CRADD: variants seen among roughly 807,000 people sequenced by gnomAD.
CRADD encodes the protein death domain-containing protein CRADD.
Under a neutral mutation model 15.5 loss-of-function variants are expected in CRADD, and 9 were observed. The ratio of observed to expected loss-of-function variants is 0.58; its 90% confidence interval spans 0.35 to 1.01. CRADD has a LOEUF of 1.01. Among genes scored for constraint, CRADD ranks in the 50% least tolerant of loss-of-function variants. The pLI, the probability that CRADD is intolerant of heterozygous loss-of-function variation, is 0.02. For synonymous variants in CRADD, 118 were observed against 107.6 expected, an observed-to-expected ratio of 1.10 and a Z score of -0.60; for missense variants, 227 against 250.3, an observed-to-expected ratio of 0.91 and a Z score of 0.63.
Position 93,762,272 on chromosome 12 carries a change from T to C in CRADD, c.298+83200T>C, listed in dbSNP as rs545288688. Among the ~76,000 whole-genome samples, 7 of 152,340 alleles carry C rather than the reference T, an allele frequency of 4.6e-5. No individual in the cohort carries two copies. The East Asian group carries it at 1.2e-3, about 25-fold the overall frequency. On this transcript the variant is annotated intron_variant, in intron 2 of 2. Transcript: ENST00000332896. ...GGCAAGTGATTTGTCAATAAGAATT[T>C]ATTGTCTTCATTTCTGGGATGAGGC...
At chr12:93,752,484 A>G (rs768151149) in intron 2 of CRADD, among the ~76,000 whole-genome samples, 12 of 152,328 alleles carry the variant, frequency 7.9e-5, no homozygotes, top group South Asian at 6.2e-4. Flanking sequence ...TGTTTAAGCT[A>G]TGAGAGCTCA....
intron 2 of CRADD, among the ~76,000 whole-genome samples, chr12:93,841,526 G>A (rs1016673533): frequency 6.6e-6 from 1 of 152,168 alleles, no homozygotes; most frequent in African/African-American, 2.4e-5. Flanking sequence ...TCAAGGGAGG[G>A]CTTTGTTTGC....
At position 93,824,678 on chromosome 12, in the gene CRADD, C is replaced by G. The variant is rs578188319; in HGVS notation, c.299-25292C>G. On this transcript the variant is annotated intron_variant, in intron 2 of 2. Coordinates refer to ENST00000332896, the MANE Select transcript of CRADD (RefSeq NM_003805.5). The surrounding 1 kb of genome is among the most constrained non-coding windows in gnomAD (Gnocchi z 4.3). ...CTGAAGCTGAAACCTAGCCTTCTGC[C>G]GAGTGGTATTCCTGAAGCCAGTCAC... 6.6e-6 allele frequency among the ~76,000 whole-genome samples: 1 copy of G among 152,094 alleles called. No homozygotes were observed. The highest frequency in any genetic ancestry group is 6.5e-5 in the Admixed American group (1 of 15,272).
rs1957955469 is a variant in CRADD, at chr12:93,834,733, C to G, written c.299-15237C>G. Among the ~76,000 whole-genome samples the G allele has an allele frequency of 2.0e-5, 3 of 152,238 alleles. No homozygotes were observed. The South Asian group carries it at 6.2e-4, about 32-fold the overall frequency. On this transcript the variant is annotated intron_variant, in intron 2 of 2. Transcript: ENST00000332896. ...AAGCTGCCCACCTCAGGTGATCCACCTGCCTCGGCCTCCCAAAGTGCTGGG... is the reference window on the plus strand; with the variant it reads ...AAGCTGCCCACCTCAGGTGATCCACGTGCCTCGGCCTCCCAAAGTGCTGGG...
chr12:93,805,515 G>T lies in CRADD; in HGVS notation c.299-44455G>T, dbSNP rs191266128. On this transcript the variant is annotated intron_variant, in intron 2 of 2. Coordinates refer to ENST00000332896, the MANE Select transcript of CRADD (RefSeq NM_003805.5). ...GTCCTCCGAGCCTGTTTCCTCAACT[G>T]CCCTTTTCTCCTACCCAGTACATCG... Among the ~76,000 whole-genome samples the T allele has an allele frequency of 3.5e-3, 523 of 151,370 alleles. 21 individuals carry two copies. Among genetic ancestry groups the T allele is most frequent in the Admixed American group, 0.031 (466 of 15,118 alleles).
chr12:93,761,853 C>T (rs1222059099), intron 2 of CRADD, among the ~76,000 whole-genome samples: 1 of 151,986 alleles, frequency 6.6e-6, no homozygotes, highest in Non-Finnish European at 1.5e-5. Flanking sequence ...TGCTTTGAGC[C>T]CTGATGGATT....
chr12:93,775,500 A>T (rs1318466978), intron 2 of CRADD, among the ~76,000 whole-genome samples: 1 of 152,220 alleles, frequency 6.6e-6, no homozygotes, highest in Non-Finnish European at 1.5e-5. Flanking sequence ...AGGAGTTGGC[A>T]TCTCAAGTAT....
chr12:93,871,778 T>C (rs935821959), intron 2 of CRADD, among the ~76,000 whole-genome samples: 1 of 152,234 alleles, frequency 6.6e-6, no homozygotes, highest in African/African-American at 2.4e-5. Context: ...CTCCATTATG[T>C]ATATGTACCA....
At chr12:93,763,598 C>T (rs1956993874) in intron 2 of CRADD, among the ~76,000 whole-genome samples, 1 of 152,014 alleles carries the variant, frequency 6.6e-6, no homozygotes, top group African/African-American at 2.4e-5. Flanking sequence ...AGAAATTCCT[C>T]TTCATTTTTT....
At chr12:93,719,529 C>T (rs1168947351) in intron 2 of CRADD, among the ~76,000 whole-genome samples, 1 of 152,228 alleles carries the variant, frequency 6.6e-6, no homozygotes, top group South Asian at 2.1e-4. Flanking sequence ...GTTACAATTT[C>T]TTCCTTAAAT....
intron 2 of CRADD, among the ~76,000 whole-genome samples, chr12:93,872,190 G>C (rs1958426434): frequency 6.6e-6 from 1 of 152,150 alleles, no homozygotes. Context: ...TCATATGCCT[G>C]TTTGCCATTT....
At chr12:93,711,292 G>T (rs1956069505) in intron 2 of CRADD, among the ~76,000 whole-genome samples, 1 of 152,000 alleles carries the variant, frequency 6.6e-6, no homozygotes, top group Non-Finnish European at 1.5e-5. Context: ...TTAAATGGCA[G>T]AGGGAAGCTT....
chr12:93,822,808 G>A (rs557561626), intron 2 of CRADD, among the ~76,000 whole-genome samples: 1 of 152,304 alleles, frequency 6.6e-6, no homozygotes, highest in African/African-American at 2.4e-5. Flanking sequence ...TTAAGCCAAT[G>A]TAATTAGAGT....
At chr12:93,736,695 T>C (rs2136921840) in intron 2 of CRADD, among the ~76,000 whole-genome samples, 1 of 152,322 alleles carries the variant, frequency 6.6e-6, no homozygotes, top group South Asian at 2.1e-4. Flanking sequence ...AATTATGATA[T>C]AGAGGCCAGA....
intron 2 of CRADD, among the ~76,000 whole-genome samples, chr12:93,692,934 G>A (rs765170708): frequency 2.0e-4 from 30 of 152,116 alleles, no homozygotes; most frequent in Non-Finnish European, 3.1e-4. Flanking sequence ...GACATAAATT[G>A]TGCCATCAAA....
At chr12:93,892,800 C>T (rs1440042251) in intron 2 of CRADD, among the ~76,000 whole-genome samples, 1 of 152,188 alleles carries the variant, frequency 6.6e-6, no homozygotes, top group African/African-American at 2.4e-5. Flanking sequence ...CGTGCTCCCC[C>T]TCCAGCCCTG....
intron 2 of CRADD, among the ~76,000 whole-genome samples, chr12:93,750,709 G>T (rs1956819701): frequency 6.6e-6 from 1 of 152,038 alleles, no homozygotes; most frequent in Non-Finnish European, 1.5e-5. Flanking sequence ...TTTGCATGTG[G>T]ATTATACTTT....
intron 2 of CRADD, among the ~76,000 whole-genome samples, chr12:93,742,264 T>G (rs1956681157): frequency 6.6e-6 from 1 of 152,146 alleles, no homozygotes; most frequent in Non-Finnish European, 1.5e-5. Context: ...CCAGATCCCT[T>G]GTGTTAATTT....
intron 2 of CRADD, among the ~76,000 whole-genome samples, chr12:93,859,061 G>C (rs921343002): frequency 6.6e-6 from 1 of 152,186 alleles, no homozygotes; most frequent in Non-Finnish European, 1.5e-5. Context: ...CAAATAGGCT[G>C]TTCATTGTTT....
Sources: gnomAD v4.1 joint callset for allele counts (sites outside exome capture counted in the v4.1 genomes callset) on GRCh38, gnomAD v4.1.1 for gene constraint, Gnocchi (gnomAD v3.1) non-coding constraint, MANE v1.5 for transcripts, NCBI Gene and HGNC (gene_info 2026-07-23, HGNC 2026-07-21) for gene names.